The following ARHGAP26 variants were observed in gnomAD, a reference collection of about 807,000 sequenced individuals.
The protein encoded by ARHGAP26 is rho GTPase-activating protein 26.
In ARHGAP26, 38 loss-of-function variants were observed where a neutral mutation model predicts 104.8. That is an observed-to-expected ratio of 0.36 (90% CI 0.28 to 0.48). The LOEUF (loss-of-function observed/expected upper bound fraction) is 0.48. ARHGAP26 is among the 20% of genes least tolerant of loss of function. The pLI is 0.99. For synonymous variants in ARHGAP26, 341 were observed against 340.0 expected, an observed-to-expected ratio of 1.00 and a Z score of -0.03; for missense variants, 704 against 947.9, an observed-to-expected ratio of 0.74 and a Z score of 3.38.
intron 17 of ARHGAP26, among the ~76,000 whole-genome samples, chr5:143,120,769 T>A (rs912077977): frequency 6.6e-6 from 1 of 152,196 alleles, no homozygotes; most frequent in Non-Finnish European, 1.5e-5. Flanking sequence ...ATGGAAATGA[T>A]AAAGCGTGTC....
At chr5:142,803,623 C>T (rs1762451234) in intron 1 of ARHGAP26, among the ~76,000 whole-genome samples, 1 of 152,172 alleles carries the variant, frequency 6.6e-6, no homozygotes, top group Non-Finnish European at 1.5e-5. Context: ...GCCGAACATG[C>T]GACAAGGAGG....
At chr5:143,221,423 C>CAA (rs1811111446) in intron 22 of ARHGAP26, among the ~76,000 whole-genome samples, 1 of 72,012 alleles carries the variant, frequency 1.4e-5, no homozygotes, top group Non-Finnish European at 2.5e-5. Flanking sequence ...ATGACAGCAA[C>CAA]CAAAAAAAAA....
chr5:143,147,568 G>C (rs941861061), intron 20 of ARHGAP26, 187 bp downstream of exon 20: 1 of 615,908 alleles, frequency 1.6e-6, no homozygotes, highest in Non-Finnish European at 2.7e-6. Flanking sequence ...AGAGGGAGTC[G>C]TTATTCTTAA....
intron 11 of ARHGAP26, among the ~76,000 whole-genome samples, chr5:142,999,350 G>C (rs1463802119): frequency 6.6e-6 from 1 of 152,128 alleles, no homozygotes; most frequent in African/African-American, 2.4e-5. Flanking sequence ...CCTTTTAGCT[G>C]AGGGGGTAGG....
intron 1 of ARHGAP26, among the ~76,000 whole-genome samples, chr5:142,864,255 A>T (rs1753867568): frequency 1.3e-5 from 2 of 152,004 alleles, no homozygotes; most frequent in Admixed American, 1.3e-4. Flanking sequence ...TCATTCTTTT[A>T]TCTGTTTCAT....
At position 143,223,418 on chromosome 5, in the gene ARHGAP26, A is replaced by G. The variant is rs1454988687; in HGVS notation, c.*972A>G. On this transcript the variant is annotated 3_prime_UTR_variant, in exon 23 of 23. Coordinates refer to ENST00000645722, the MANE Select transcript of ARHGAP26 (RefSeq NM_001135608.3). ...TAGTAACCTCTTGAGATTAAATTAC[A>G]TAGTCTTAATATTTCTGTTCCTCCA... 4.3e-6 allele frequency: 1 copy of G among 231,882 alleles called. No homozygotes were observed. Among genetic ancestry groups the G allele is most frequent in the Non-Finnish European group, 8.5e-6 (1 of 117,002 alleles). The allele number at this position is 231,882 out of a possible 1,614,324, so 14.4% of individuals were successfully genotyped here.
At position 143,215,846 on chromosome 5, in the gene ARHGAP26, T is replaced by C. The variant is rs111692969; in HGVS notation, c.2191+1758T>C. Among the ~76,000 whole-genome samples the C allele has an allele frequency of 3.6e-3, 548 of 152,374 alleles. 1 individual carries two copies. Among genetic ancestry groups the C allele is most frequent in the African/African-American group, 0.012 (517 of 41,590 alleles). ...TGGTATGGATATAGCACATTTTATGTAAGCTTATTCATCAGTAGATGGGCA... is the reference window on the plus strand; with the variant it reads ...TGGTATGGATATAGCACATTTTATGCAAGCTTATTCATCAGTAGATGGGCA... On this transcript the variant is annotated intron_variant, in intron 22 of 22. Transcript: ENST00000645722.
chr5:142,923,055 T>C (rs1763414122), intron 10 of ARHGAP26, among the ~76,000 whole-genome samples: 1 of 151,748 alleles, frequency 6.6e-6, no homozygotes, highest in Non-Finnish European at 1.5e-5. Flanking sequence ...TCTTGGAGTC[T>C]TAGAATTCAT....
At chr5:142,909,127 G>A (rs533582485) in intron 9 of ARHGAP26, among the ~76,000 whole-genome samples, 5 of 151,684 alleles carry the variant, frequency 3.3e-5, no homozygotes, top group South Asian at 4.2e-4. Flanking sequence ...TTTGAGTTTC[G>A]CCTCCTTCCC....
At chr5:142,939,319 G>A (rs1054758021) in intron 11 of ARHGAP26, among the ~76,000 whole-genome samples, 2 of 152,128 alleles carry the variant, frequency 1.3e-5, no homozygotes, top group Non-Finnish European at 2.9e-5. Flanking sequence ...ACTCTGCTGT[G>A]GCTACTGCAG....
At chr5:142,962,966 C>G (rs1770512268) in intron 11 of ARHGAP26, among the ~76,000 whole-genome samples, 1 of 151,930 alleles carries the variant, frequency 6.6e-6, no homozygotes. Flanking sequence ...CCTCCACTCT[C>G]AAGTAGGCTC....
At chr5:143,107,444 C>T (rs1226628781) in intron 17 of ARHGAP26, among the ~76,000 whole-genome samples, 1 of 152,198 alleles carries the variant, frequency 6.6e-6, no homozygotes, top group Non-Finnish European at 1.5e-5. Flanking sequence ...TGAAGTGCCA[C>T]TGTAGCCTAC....
intron 20 of ARHGAP26, among the ~76,000 whole-genome samples, chr5:143,158,661 G>C (rs893716131): frequency 3.9e-5 from 6 of 152,178 alleles, no homozygotes; most frequent in African/African-American, 1.4e-4. Context: ...TCCTTCACAA[G>C]GAAGCAGTGG....
In ARHGAP26 at chr5:143,221,682, C is replaced by T. The variant is rs140935168; in HGVS notation, c.2192-676C>T. On this transcript the variant is annotated intron_variant, in intron 22 of 22. Transcript: ENST00000645722. ...GGACTACAGACACGCTCCATCAAAC[C>T]TAGGTAGTTTTTGTATATTTTGTAG... Among the ~76,000 whole-genome samples, 307 of 152,200 alleles carry T rather than the reference C, an allele frequency of 2.0e-3. 1 individual carries two copies. The highest frequency in any genetic ancestry group is 7.1e-3 in the African/African-American group (296 of 41,528).
intron 1 of ARHGAP26, chr5:142,868,865 ACT>A (rs886496265): frequency 2.6e-5 from 4 of 151,836 alleles, no homozygotes; most frequent in African/African-American, 4.9e-5. Flanking sequence ...CTCTCTGGAG[ACT>A]CTCAGGTATT....
intron 11 of ARHGAP26, among the ~76,000 whole-genome samples, chr5:142,996,493 G>C (rs1206167818): frequency 6.6e-6 from 1 of 151,960 alleles, no homozygotes; most frequent in East Asian, 1.9e-4. Flanking sequence ...ACTCTGTCTT[G>C]AAAATTAAAA....
intron 18 of ARHGAP26, among the ~76,000 whole-genome samples, chr5:143,130,084 C>T (rs1797151357): frequency 6.6e-6 from 1 of 152,116 alleles, no homozygotes; most frequent in South Asian, 2.1e-4. Context: ...GTCCGTGTAG[C>T]TGTAGGTGTT....
chr5:143,163,639 C>T (rs528144416), intron 20 of ARHGAP26, among the ~76,000 whole-genome samples: 63 of 151,976 alleles, frequency 4.1e-4, no homozygotes, highest in Non-Finnish European at 5.2e-4. Context: ...TCAGTAGAGA[C>T]GGGGTTTCAC....
chr5:143,117,409 TTAA>T (rs555859485), intron 17 of ARHGAP26, among the ~76,000 whole-genome samples: 1 of 151,830 alleles, frequency 6.6e-6, no homozygotes, highest in Non-Finnish European at 1.5e-5. Context: ...TCTCAAGCCA[TTAA>T]TAATTCATTC....
Sources: gnomAD v4.1 joint callset for allele counts (sites outside exome capture counted in the v4.1 genomes callset) on GRCh38, gnomAD v4.1.1 for gene constraint, MANE v1.5 for transcripts, NCBI Gene and HGNC (gene_info 2026-07-23, HGNC 2026-07-21) for gene names.